The following CMKLR1 variants were observed in gnomAD, a reference collection of about 807,000 sequenced individuals.
CMKLR1 encodes chemerin chemokine-like receptor 1.
In CMKLR1, 6 loss-of-function variants were observed where a neutral mutation model predicts 8.2. The ratio of observed to expected loss-of-function variants is 0.73; its 90% CI spans 0.40 to 1.44. The LOEUF is 1.44. CMKLR1 is among the 40% of genes most tolerant of loss of function. The probability of loss-of-function intolerance (pLI) is 0.02; values close to 1 mark genes in which losing one functional copy is unlikely to be tolerated. For synonymous variants in CMKLR1, 178 were observed against 181.2 expected (o/e 0.98, Z 0.14); for missense variants, 429 against 478.0 (o/e 0.90, Z 0.96).
In CMKLR1 at chr12:108,309,319, C is replaced by T. The variant is rs1043539849; in HGVS notation, c.-73-15655G>A. ...GAACGCTCTCCCTAACATAGAATTC[C>T]CCTCCCCCAGCATTTATGCCCTGTT... is the stretch of plus-strand genomic sequence containing the variant. On this transcript the variant is annotated intron_variant, in intron 2 of 3. Coordinates refer to ENST00000550402, the MANE Select transcript of CMKLR1 (RefSeq NM_001142343.2). 2.0e-5 allele frequency among the ~76,000 whole-genome samples: 3 copies of T among 152,144 alleles called. No individual in the cohort carries two copies. In the East Asian group the frequency reaches 5.8e-4, roughly 29 times the overall value.
At chr12:108,338,666 T>TA (rs201789020) in intron 1 of CMKLR1, among the ~76,000 whole-genome samples, 284 of 151,044 alleles carry the variant, frequency 1.9e-3, no homozygotes, top group African/African-American at 5.0e-3. Context: ...ACTGTTCTAA[T>TA]AAAAAAAAAG....
intron 2 of CMKLR1, among the ~76,000 whole-genome samples, chr12:108,307,889 G>A (rs1429199605): frequency 6.6e-6 from 1 of 152,196 alleles, no homozygotes; most frequent in Admixed American, 6.5e-5. Context: ...AACATACCAT[G>A]ATGGTGAAGG....
chr12:108,292,712 G>A lies in CMKLR1; in HGVS notation c.251C>T (p.Ala84Val). The A allele has an allele frequency of 6.2e-7, 1 of 1,614,156 alleles. No homozygotes were observed. Among genetic ancestry groups the A allele is most frequent in the Non-Finnish European group, 8.5e-7 (1 of 1,180,026 alleles). The change falls in exon 4 of 4, where the codon GCA becomes GTA. Residue 84 changes from alanine (A) to valine (V), a missense_variant. By Grantham distance (64) the Ala-to-Val change is moderately conservative. Coordinates refer to ENST00000550402, the MANE Select transcript of CMKLR1 (RefSeq NM_001142343.2). ...GAGGAAGACGTTGAACAGGAAATCT[G>A]CCACTGCCAGGTTGAGGAACCAGAC... ...NMVWFLNLAV[A>V]DFLFNVFLPI...
intron 3 of CMKLR1, 115 bp downstream of exon 3, chr12:108,293,474 T>C (rs1443780308): frequency 1.8e-6 from 2 of 1,084,438 alleles, no homozygotes; most frequent in Non-Finnish European, 1.4e-6. Flanking sequence ...GCTGTGAACT[T>C]GATTCCAACA....
rs1414966085 is a variant in CMKLR1 at position 108,292,306 on chromosome 12, C to T, written c.657G>A (p.Val219=). ...CACAGAGGAAGCGGGTGACAGTCAC[C>T]ACCATGTGCCGGCTATACCCCACAG... ...MDPVGYSRHM[V]VTVTRFLCGF... The change falls in exon 4 of 4, where the codon GTG becomes GTA. Residue 219 remains valine (V), a synonymous_variant. Transcript: ENST00000550402. 12 of 1,614,156 alleles carry T rather than the reference C, an allele frequency of 7.4e-6. No homozygotes were observed. The highest frequency in any genetic ancestry group is 1.7e-5 in the Admixed American group (1 of 60,026).
At chr12:108,308,484 C>T (rs946768143) in intron 2 of CMKLR1, among the ~76,000 whole-genome samples, 13 of 118,772 alleles carry the variant, frequency 1.1e-4, no homozygotes, top group Non-Finnish European at 2.0e-4. Flanking sequence ...CGCTCAACAG[C>T]CTGTTCCCTG....
At chr12:108,320,940 G>A (rs1182882263) in intron 2 of CMKLR1, among the ~76,000 whole-genome samples, 1 of 152,216 alleles carries the variant, frequency 6.6e-6, no homozygotes, top group Non-Finnish European at 1.5e-5. Context: ...TGTTTTTGGT[G>A]CCTAGTCTGG....
chr12:108,305,954 C>A (rs1891395136), intron 2 of CMKLR1, among the ~76,000 whole-genome samples: 1 of 152,212 alleles, frequency 6.6e-6, no homozygotes. Flanking sequence ...GATGAGCTCA[C>A]CGACTCAGGG....
At chr12:108,313,813 CAT>C (rs1891649042) in intron 2 of CMKLR1, among the ~76,000 whole-genome samples, 1 of 152,196 alleles carries the variant, frequency 6.6e-6, no homozygotes, top group South Asian at 2.1e-4. Flanking sequence ...CTTGTCAAGT[CAT>C]TGGAAAGCTC....
intron 1 of CMKLR1, among the ~76,000 whole-genome samples, chr12:108,335,122 A>G (rs1387445171): frequency 6.6e-6 from 1 of 152,186 alleles, no homozygotes; most frequent in East Asian, 1.9e-4. Context: ...CAAAGAATGG[A>G]AGCAACCCAA....
intron 2 of CMKLR1, among the ~76,000 whole-genome samples, chr12:108,327,508 T>C (rs750148054): frequency 6.6e-6 from 1 of 152,210 alleles, no homozygotes; most frequent in Non-Finnish European, 1.5e-5. Flanking sequence ...TGTTGTGAAT[T>C]AGAGAATGAA....
intron 2 of CMKLR1, among the ~76,000 whole-genome samples, chr12:108,296,864 T>C (rs548586318): frequency 6.6e-6 from 1 of 152,176 alleles, no homozygotes; most frequent in South Asian, 2.1e-4. Flanking sequence ...ATTTTGCTTC[T>C]CTAAGCTCCA....
chr12:108,313,570 A>G (rs1891640154), intron 2 of CMKLR1, among the ~76,000 whole-genome samples: 1 of 152,202 alleles, frequency 6.6e-6, no homozygotes, highest in African/African-American at 2.4e-5. Context: ...CGTAGGGTGC[A>G]TAGGGTGACC....
chr12:108,321,320 TA>T (rs1891856512), intron 2 of CMKLR1, among the ~76,000 whole-genome samples: 1 of 152,078 alleles, frequency 6.6e-6, no homozygotes. Flanking sequence ...AATTTACAGC[TA>T]TGCAGGAGGC....
chr12:108,293,082 AT>A, intron 3 of CMKLR1, 123 bp from the exon 4 acceptor site: 1 of 888,918 alleles, frequency 1.1e-6, no homozygotes, highest in East Asian at 2.6e-5. Context: ...TGATTTAACC[AT>A]TTCCTTCTTT....
Position 108,292,300 on chromosome 12 carries a change from A to G in CMKLR1, c.663T>C (p.Thr221=). Residue 221 remains threonine, a synonymous_variant, in exon 4 of 4, where the codon ACT becomes ACC. Transcript: ENST00000550402. ...PVGYSRHMVV[T]VTRFLCGFLV... is the part of the protein sequence containing the mutation. ...GGAAGCCACAGAGGAAGCGGGTGAC[A>G]GTCACCACCATGTGCCGGCTATACC... 6.2e-7 allele frequency: 1 copy of G among 1,614,190 alleles called. No individual in the cohort carries two copies. Among genetic ancestry groups the G allele is most frequent in the Non-Finnish European group, 8.5e-7 (1 of 1,180,042 alleles).
chr12:108,298,633 G>A (rs1449037205), intron 2 of CMKLR1, among the ~76,000 whole-genome samples: 1 of 152,156 alleles, frequency 6.6e-6, no homozygotes, highest in Non-Finnish European at 1.5e-5. Flanking sequence ...GCTGAGGTCT[G>A]GGACACACAC....
At chr12:108,301,920 C>G (rs73407477) in intron 2 of CMKLR1, among the ~76,000 whole-genome samples, 11,729 of 152,210 alleles carry the variant, frequency 0.077, 1,207 homozygotes, top group African/African-American at 0.23. Flanking sequence ...CATACACACA[C>G]AGGCATGTGT....
At chr12:108,337,948 G>T (rs1187100121) in intron 1 of CMKLR1, among the ~76,000 whole-genome samples, 4 of 152,156 alleles carry the variant, frequency 2.6e-5, no homozygotes, top group African/African-American at 9.7e-5. Flanking sequence ...AGAGAAGATT[G>T]GTCTTGAGAA....
Sources: allele counts gnomAD v4.1 joint callset (sites outside exome capture counted in the v4.1 genomes callset), GRCh38; gene constraint gnomAD v4.1.1; transcripts MANE v1.5; gene names NCBI Gene and HGNC (gene_info 2026-07-23, HGNC 2026-07-21).